CHD3: variants seen among roughly 807,000 people sequenced by gnomAD.
CHD3 encodes the protein chromodomain helicase DNA binding protein 3.
In CHD3, 52 loss-of-function variants were observed where a neutral mutation model predicts 248.9. The observed-to-expected ratio is 0.21, with a 90% CI of 0.17 to 0.26. The LOEUF is 0.26. Among genes scored for constraint, CHD3 ranks in the 10% least tolerant of loss-of-function variants. The pLI is 1.00. For synonymous variants in CHD3, 985 were observed against 985.2 expected, an observed-to-expected ratio of 1.00 and a Z score of 0.00; for missense variants, 1,482 against 2,605.8, an observed-to-expected ratio of 0.57 and a Z score of 9.39.
Position 7,908,073 on chromosome 17 carries a change from T to G in CHD3, c.5152+54T>G. 6.5e-7 allele frequency: 1 copy of G among 1,537,654 alleles called. No individual in the cohort carries two copies. Among genetic ancestry groups the G allele is most frequent in the Non-Finnish European group, 8.8e-7 (1 of 1,140,980 alleles). On this transcript the variant is annotated intron_variant, in intron 34 of 39. Transcript: ENST00000330494. The surrounding 1 kb of genome is among the most constrained non-coding windows in gnomAD (Gnocchi z 5.8). ...CCTCAAGGGGATCTGCTCATCCTCATGGGGTTTCTCGTTTTGCCTGAGGCT... is the reference window on the plus strand; with the variant it reads ...CCTCAAGGGGATCTGCTCATCCTCAGGGGGTTTCTCGTTTTGCCTGAGGCT...
chr17:7,898,690 C>T, intron 13 of CHD3, 95 bp downstream of exon 13: 2 of 916,074 alleles, frequency 2.2e-6, no homozygotes, highest in Non-Finnish European at 3.4e-6. Context: ...GATTCAGTAA[C>T]CTCTGTGAAC....
In CHD3 at chr17:7,909,812, C is replaced by T. The variant is rs572688412; in HGVS notation, c.5590+474C>T. Reference sequence around the variant, plus strand: ...TTACCCCATGAAACTTCCCTTTGACCTTCGACCTTTCCTCCTACCCCCTCT... The same window carrying T: ...TTACCCCATGAAACTTCCCTTTGACTTTCGACCTTTCCTCCTACCCCCTCT... On this transcript the variant is annotated intron_variant, in intron 37 of 39. Transcript: ENST00000330494. This position sits in a 1 kb window ranked among gnomAD's most constrained non-coding sequence, Gnocchi z 8.1. 3.2e-5 allele frequency: 6 copies of T among 187,040 alleles called. No homozygotes were observed. The South Asian group carries it at 6.7e-4, about 21-fold the overall frequency. 11.6% of individuals were successfully genotyped at this position (187,040 alleles called of 1,614,324 possible).
Position 7,893,555 on chromosome 17 carries a change from C to T in CHD3, c.779C>T (p.Thr260Ile), listed in dbSNP as rs1969197247. 1.3e-6 allele frequency: 2 copies of T among 1,535,760 alleles called. No homozygotes were observed. The highest frequency in any genetic ancestry group is 2.4e-5 in the East Asian group (1 of 42,154). ...CCCCCACCCATCCGAAGAGCCAAAACCAAAGAGGGCAAAGGTAGGGAACTC... is the reference window on the plus strand; with the variant it reads ...CCCCCACCCATCCGAAGAGCCAAAATCAAAGAGGGCAAAGGTAGGGAACTC... Reference protein sequence around the residue: ...IQPPPIRRAKTKEGKGPGHKR... With the variant: ...IQPPPIRRAKIKEGKGPGHKR... The change falls in exon 5 of 40, where the codon ACC becomes ATC. Residue 260 changes from threonine to isoleucine, a missense_variant. Coordinates refer to ENST00000330494, the MANE Select transcript of CHD3 (RefSeq NM_001005273.3).
At chr17:7,891,368 A>G (rs1597923829) in intron 4 of CHD3, among the ~76,000 whole-genome samples, 1 of 152,168 alleles carries the variant, frequency 6.6e-6, no homozygotes, top group African/African-American at 2.4e-5. Context: ...CCCTGCCCCA[A>G]CAGCTCCATC....
intron 21 of CHD3, 83 bp from the exon 22 acceptor site, chr17:7,902,854 T>C: frequency 1.9e-6 from 3 of 1,587,784 alleles, no homozygotes; most frequent in Non-Finnish European, 2.6e-6. Flanking sequence ...GGGGCATGGT[T>C]GTTTGTCATC....
Position 7,910,140 on chromosome 17 carries a change from T to C in CHD3, c.5591-288T>C. 1 of 302,812 alleles carries C rather than the reference T, an allele frequency of 3.3e-6. No homozygotes were observed. Among genetic ancestry groups the C allele is most frequent in the Non-Finnish European group, 6.3e-6 (1 of 158,564 alleles). The allele number at this position is 302,812 out of a possible 1,614,324, so 18.8% of individuals were successfully genotyped here. Reference sequence around the variant, plus strand: ...CATGTCTTCCAATGTCCCCCCATCTTCCTTTCCTCCATGCTCCCTTTTTCT... The same window carrying C: ...CATGTCTTCCAATGTCCCCCCATCTCCCTTTCCTCCATGCTCCCTTTTTCT... On this transcript the variant is annotated intron_variant, in intron 37 of 39. Coordinates refer to ENST00000330494, the MANE Select transcript of CHD3 (RefSeq NM_001005273.3). This position sits in a 1 kb window ranked among gnomAD's most constrained non-coding sequence, Gnocchi z 4.7.
Position 7,905,972 on chromosome 17 carries a change from G to A in CHD3, c.4341G>A (p.Lys1447=). 1 of 1,614,126 alleles carries A rather than the reference G, an allele frequency of 6.2e-7. No homozygotes were observed. Among genetic ancestry groups the A allele is most frequent in the Non-Finnish European group, 8.5e-7 (1 of 1,180,016 alleles). Residue 1447 remains lysine, a synonymous_variant, in exon 28 of 40, where the codon AAG becomes AAA. Coordinates refer to ENST00000330494, the MANE Select transcript of CHD3 (RefSeq NM_001005273.3). This position sits in a 1 kb window ranked among gnomAD's most constrained non-coding sequence, Gnocchi z 5.8. ...GGCTGGTGCGGGACCTGAGGGGCAAGACTGAGAAGGAGTTTAAGTGAGTGT... is the reference window on the plus strand; with the variant it reads ...GGCTGGTGCGGGACCTGAGGGGCAAAACTGAGAAGGAGTTTAAGTGAGTGT... ...TQWLVRDLRG[K]TEKEFKAYVS...
At position 7,903,245 on chromosome 17, in the gene CHD3, AC is replaced by A; in HGVS notation, c.3496-24del. Reference sequence around the variant, plus strand: ...TTCTCCCCGGCCACTCCCCTGACCCACCCGCCACTTTCTCTTGCCCCTGCAG... The same window carrying A: ...TTCTCCCCGGCCACTCCCCTGACCCACCGCCACTTTCTCTTGCCCCTGCAG... On this transcript the variant is annotated intron_variant, in intron 22 of 39. Coordinates refer to ENST00000330494, the MANE Select transcript of CHD3 (RefSeq NM_001005273.3). This position sits in a 1 kb window ranked among gnomAD's most constrained non-coding sequence, Gnocchi z 6.8. 3 of 1,606,152 alleles carry A rather than the reference AC, an allele frequency of 1.9e-6. No individual in the cohort carries two copies. Among genetic ancestry groups the A allele is most frequent in the Non-Finnish European group, 2.6e-6 (3 of 1,176,154 alleles).
At chr17:7,890,899 G>A (rs753570738) in intron 3 of CHD3, 41 bp from the exon 4 acceptor site, 1 of 1,612,832 alleles carries the variant, frequency 6.2e-7, no homozygotes, top group African/African-American at 1.3e-5. Flanking sequence ...TGGAATAGGG[G>A]CTGGAGGAGC....
At chr17:7,901,023 A>T (rs757887437) in intron 19 of CHD3, 30 bp downstream of exon 19, 1 of 1,602,532 alleles carries the variant, frequency 6.2e-7, no homozygotes, top group Admixed American at 1.7e-5. Context: ...AGCTGATCGA[A>T]CGCCCATTCT....
Position 7,909,325 on chromosome 17 carries a change from C to A in CHD3, c.5577C>A (p.Ala1859=). 2 of 1,556,644 alleles carry A rather than the reference C, an allele frequency of 1.3e-6. No homozygotes were observed. Among genetic ancestry groups the A allele is most frequent in the Non-Finnish European group, 1.7e-6 (2 of 1,151,752 alleles). The change falls in exon 37 of 40, where the codon GCC becomes GCA. Residue 1859 remains alanine, a synonymous_variant. Transcript: ENST00000330494. The surrounding 1 kb of genome is among the most constrained non-coding windows in gnomAD (Gnocchi z 8.1). ...TGGCGGGGAACAAGCCGGCCAACGC[C>A]GTCCTGCACAAGGGTAAGGGCCGCG... The part of the protein sequence containing the change: ...ESLAGNKPAN[A]VLHKVLNQLE...
rs749722273 is a variant in CHD3 at position 7,895,199 on chromosome 17, T to A, written c.1503+49T>A. 9 of 1,593,796 alleles carry A rather than the reference T, an allele frequency of 5.6e-6. No individual in the cohort carries two copies. The Admixed American group carries it at 1.4e-4, about 24-fold the overall frequency. On this transcript the variant is annotated intron_variant, in intron 9 of 39. Transcript: ENST00000330494. The surrounding 1 kb of genome is among the most constrained non-coding windows in gnomAD (Gnocchi z 4.9). ...GTATTTACTGTCAGGCCTGATCCCT[T>A]CCCCCATCCCTGGGGCCCACATGTC...
Position 7,906,074 on chromosome 17 carries a change from G to A in CHD3, c.4358+85G>A. The A allele has an allele frequency of 6.4e-7, 1 of 1,560,290 alleles. No homozygotes were observed. Among genetic ancestry groups the A allele is most frequent in the Non-Finnish European group, 8.8e-7 (1 of 1,137,628 alleles). On this transcript the variant is annotated intron_variant, in intron 28 of 39. Transcript: ENST00000330494. The surrounding 1 kb of genome is among the most constrained non-coding windows in gnomAD (Gnocchi z 5.0). ...TTCTTCCTTGGGGCCGCCATATGAT[G>A]TGACCTTACTCAACTGATTATCACC...
At position 7,908,096 on chromosome 17, in the gene CHD3, G is replaced by A. The variant is rs535323968; in HGVS notation, c.5152+77G>A. On this transcript the variant is annotated intron_variant, in intron 34 of 39. Transcript: ENST00000330494. The surrounding 1 kb of genome is among the most constrained non-coding windows in gnomAD (Gnocchi z 5.8). ...CATGGGGTTTCTCGTTTTGCCTGAG[G>A]CTTCCTGCTACCTTTAATTCCAAGT... 4 of 1,489,588 alleles carry A rather than the reference G, an allele frequency of 2.7e-6. No homozygotes were observed. The Admixed American group carries it at 8.7e-5, about 32-fold the overall frequency. The allele number at this position is 1,489,588 out of a possible 1,614,324, so 92.3% of individuals were successfully genotyped here. A position where few individuals can be genotyped will look rare whatever the true frequency, so the allele number is the denominator to read the frequency against.
chr17:7,903,259 C>T lies in CHD3; in HGVS notation c.3496-13C>T, dbSNP rs754326595. ...TCCCCTGACCCACCCGCCACTTTCT[C>T]TTGCCCCTGCAGGCCTTTAGCCGGG... On this transcript the variant is annotated splice_polypyrimidine_tract_variant and intron_variant, in intron 22 of 39. Transcript: ENST00000330494. The surrounding 1 kb of genome is among the most constrained non-coding windows in gnomAD (Gnocchi z 6.8). The T allele has an allele frequency of 6.2e-7, 1 of 1,612,768 alleles. No homozygotes were observed. The highest frequency in any genetic ancestry group is 2.2e-5 in the East Asian group (1 of 44,858).
In CHD3 at chr17:7,905,388, T is replaced by C; in HGVS notation, c.4138+223T>C. On this transcript the variant is annotated intron_variant, in intron 26 of 39. Transcript: ENST00000330494. The surrounding 1 kb of genome is among the most constrained non-coding windows in gnomAD (Gnocchi z 5.8). Reference sequence around the variant, plus strand: ...CCAGAAAGGCCATATCATTTTCCATTCCCACTGGTAATCTGGGCCTTTGTC... The same window carrying C: ...CCAGAAAGGCCATATCATTTTCCATCCCCACTGGTAATCTGGGCCTTTGTC... 2 of 614,576 alleles carry C rather than the reference T, an allele frequency of 3.3e-6. No homozygotes were observed. Among genetic ancestry groups the C allele is most frequent in the South Asian group, 4.0e-5 (2 of 49,438 alleles). 38.1% of individuals were successfully genotyped at this position (614,576 alleles called of 1,614,324 possible). A position where few individuals can be genotyped will look rare whatever the true frequency, so the allele number is the denominator to read the frequency against.
rs1970148271 is a variant in CHD3, at chr17:7,900,237, T to G, written c.2683-53T>G. ...GGGAAAGGCTGATGCTGTGGGTCGG[T>G]CACTTGTCACTAATAAGCCCATTTT... On this transcript the variant is annotated intron_variant, in intron 16 of 39. Transcript: ENST00000330494. This position sits in a 1 kb window ranked among gnomAD's most constrained non-coding sequence, Gnocchi z 6.5. 52 of 1,610,550 alleles carry G rather than the reference T, an allele frequency of 3.2e-5. No homozygotes were observed. Among genetic ancestry groups the G allele is most frequent in the Non-Finnish European group, 4.4e-5 (52 of 1,178,132 alleles).
At chr17:7,888,738 G>C (rs1176379230), upstream of CHD3, 1 of 1,122,904 alleles carries the variant, frequency 8.9e-7, no homozygotes, top group Non-Finnish European at 1.2e-6. Context: ...GTGCGCGCGT[G>C]CGCGCGCGTG....
At position 7,904,594 on chromosome 17, in the gene CHD3, C is replaced by T. The variant is rs776015290; in HGVS notation, c.4047C>T (p.Tyr1349=). 1 of 1,613,978 alleles carries T rather than the reference C, an allele frequency of 6.2e-7. No homozygotes were observed. Among genetic ancestry groups the T allele is most frequent in the Non-Finnish European group, 8.5e-7 (1 of 1,179,926 alleles). The change falls in exon 25 of 40, where the codon TAC becomes TAT. Residue 1349 remains tyrosine, a synonymous_variant. Coordinates refer to ENST00000330494, the MANE Select transcript of CHD3 (RefSeq NM_001005273.3). The surrounding 1 kb of genome is among the most constrained non-coding windows in gnomAD (Gnocchi z 4.4). ...AGCGGGTTCGCAAGCAAGTTAACTA[C>T]AATGATGCTGCTCAGGAAGACCAAG... is the stretch of plus-strand genomic sequence containing the variant. ...KGKRVRKQVN[Y]NDAAQEDQDN...
Sources: gnomAD v4.1 joint callset for allele counts (sites outside exome capture counted in the v4.1 genomes callset) on GRCh38, gnomAD v4.1.1 for gene constraint, Gnocchi (gnomAD v3.1) non-coding constraint, MANE v1.5 for transcripts, NCBI Gene and HGNC (gene_info 2026-07-23, HGNC 2026-07-21) for gene names.